Variants in EFNA5 observed in about 807,000 individuals in gnomAD.
The protein encoded by EFNA5 is ephrin-A5.
A neutral mutation model predicts 22.9 loss-of-function variants in EFNA5; 5 were observed. That is an observed-to-expected ratio of 0.22 (90% CI 0.11 to 0.46). The LOEUF is 0.46. EFNA5 is among the 20% of genes least tolerant of loss of function. The pLI, the probability that EFNA5 is intolerant of heterozygous loss-of-function variation, is 0.99. For missense variants in EFNA5, 237 were observed against 293.3 expected (o/e 0.81, Z 1.40); for synonymous variants, 113 against 112.2 (o/e 1.01, Z -0.04).
At chr5:107,553,841 T>C (rs1650416776) in intron 1 of EFNA5, among the ~76,000 whole-genome samples, 1 of 152,206 alleles carries the variant, frequency 6.6e-6, no homozygotes, top group Non-Finnish European at 1.5e-5. Flanking sequence ...TCTGAGGGAT[T>C]AGTTCTTCAC....
At chr5:107,540,425 G>A (rs915016058) in intron 1 of EFNA5, among the ~76,000 whole-genome samples, 3 of 152,226 alleles carry the variant, frequency 2.0e-5, no homozygotes, top group South Asian at 2.1e-4. Context: ...TCATTGAAAT[G>A]AAAATTATGT....
chr5:107,437,581 A>G (rs1225545308), intron 1 of EFNA5, among the ~76,000 whole-genome samples: 5 of 152,236 alleles, frequency 3.3e-5, no homozygotes, highest in Admixed American at 1.3e-4. Context: ...TTTTATATAG[A>G]TTTATTTTTT....
intron 1 of EFNA5, among the ~76,000 whole-genome samples, chr5:107,458,120 G>A (rs1488737709): frequency 6.6e-6 from 1 of 152,160 alleles, no homozygotes; most frequent in African/African-American, 2.4e-5. Flanking sequence ...ACCAGTCAGA[G>A]CTAAATGTAA....
At chr5:107,543,062 G>A (rs1748078626) in intron 1 of EFNA5, among the ~76,000 whole-genome samples, 1 of 152,208 alleles carries the variant, frequency 6.6e-6, no homozygotes, top group South Asian at 2.1e-4. Context: ...CAGCCTGGCA[G>A]CACCAGGAAC....
chr5:107,475,637 C>G (rs1750265325), intron 1 of EFNA5, among the ~76,000 whole-genome samples: 1 of 152,018 alleles, frequency 6.6e-6, no homozygotes. Flanking sequence ...GCCTGAAAAG[C>G]CAGTATAATT....
intron 3 of EFNA5, 109 bp from the exon 4 acceptor site, chr5:107,387,424 T>C: frequency 1.4e-6 from 1 of 721,494 alleles, no homozygotes; most frequent in South Asian, 2.1e-5. Flanking sequence ...ATGTAGATTG[T>C]CTTACAATCA....
intron 1 of EFNA5, among the ~76,000 whole-genome samples, chr5:107,644,616 G>C (rs1750592281): frequency 6.6e-6 from 1 of 152,136 alleles, no homozygotes; most frequent in African/African-American, 2.4e-5. Flanking sequence ...GTTGGTAACT[G>C]ACACATAATA....
At chr5:107,577,758 G>A (rs1161899095) in intron 1 of EFNA5, among the ~76,000 whole-genome samples, 10 of 152,150 alleles carry the variant, frequency 6.6e-5, no homozygotes, top group Admixed American at 6.5e-4. Context: ...CTTCAATCAC[G>A]TTAGACACAG....
chr5:107,416,184 T>C (rs1350774575), intron 2 of EFNA5, among the ~76,000 whole-genome samples: 4 of 152,220 alleles, frequency 2.6e-5, no homozygotes, highest in African/African-American at 4.8e-5. Context: ...CTTCCTAGTA[T>C]GTAAATTTCA....
intron 1 of EFNA5, among the ~76,000 whole-genome samples, chr5:107,640,038 G>A (rs2112543269): frequency 6.6e-6 from 1 of 152,308 alleles, no homozygotes; most frequent in South Asian, 2.1e-4. Context: ...TTTGAAAATA[G>A]GAGGTTTGGG....
At chr5:107,458,311 G>T (rs1429073166) in intron 1 of EFNA5, among the ~76,000 whole-genome samples, 1 of 152,054 alleles carries the variant, frequency 6.6e-6, no homozygotes, top group Non-Finnish European at 1.5e-5. Flanking sequence ...GGGGTACAAG[G>T]ATGAATAGAA....
At chr5:107,590,952 G>A (rs1338766856) in intron 1 of EFNA5, among the ~76,000 whole-genome samples, 1 of 152,196 alleles carries the variant, frequency 6.6e-6, no homozygotes, top group Non-Finnish European at 1.5e-5. Context: ...TAACAGTTGT[G>A]TGGGTGGGTC....
At chr5:107,508,822 T>A (rs1337593721) in intron 1 of EFNA5, among the ~76,000 whole-genome samples, 2 of 152,228 alleles carry the variant, frequency 1.3e-5, no homozygotes, top group African/African-American at 2.4e-5. Context: ...TTTCAATAAT[T>A]AATAATTTCA....
At chr5:107,384,198 G>A (rs1457885495) in intron 4 of EFNA5, among the ~76,000 whole-genome samples, 2 of 152,188 alleles carry the variant, frequency 1.3e-5, no homozygotes, top group Non-Finnish European at 1.5e-5. Flanking sequence ...CTAAACATGA[G>A]AGAATTTCTA....
Position 107,637,249 on chromosome 5 carries a change from G to A in EFNA5, c.125+33240C>T, listed in dbSNP as rs541840782. Among the ~76,000 whole-genome samples, 9 of 152,218 alleles carry A rather than the reference G, an allele frequency of 5.9e-5. No homozygotes were observed. The South Asian group carries it at 8.3e-4, about 14-fold the overall frequency. ...AAAGTCCAGAAAAAACAAGAGTACAGCCATATCTTCTCCAATCTTTAATCC... is the reference window on the plus strand; with the variant it reads ...AAAGTCCAGAAAAAACAAGAGTACAACCATATCTTCTCCAATCTTTAATCC... On this transcript the variant is annotated intron_variant, in intron 1 of 4. Transcript: ENST00000333274.
intron 1 of EFNA5, among the ~76,000 whole-genome samples, chr5:107,636,455 C>T (rs987418601): frequency 2.0e-5 from 3 of 152,148 alleles, no homozygotes; most frequent in Non-Finnish European, 2.9e-5. Flanking sequence ...TAATCCAAAA[C>T]GGTGAGAAAC....
intron 1 of EFNA5, among the ~76,000 whole-genome samples, chr5:107,437,084 T>C (rs1749129691): frequency 6.6e-6 from 1 of 152,208 alleles, no homozygotes; most frequent in African/African-American, 2.4e-5. Context: ...ATCATTACAA[T>C]CTAAATCTGA....
intron 1 of EFNA5, among the ~76,000 whole-genome samples, chr5:107,471,030 T>A (rs1010885725): frequency 2.6e-5 from 4 of 152,170 alleles, no homozygotes; most frequent in Non-Finnish European, 5.9e-5. Context: ...GCAATACTAT[T>A]GTCACTCATG....
At chr5:107,474,666 C>T (rs1750231362) in intron 1 of EFNA5, among the ~76,000 whole-genome samples, 2 of 152,266 alleles carry the variant, frequency 1.3e-5, no homozygotes, top group African/African-American at 4.8e-5. Context: ...AGGCCACTAA[C>T]TTTGTTAAAA....
Sources: allele counts gnomAD v4.1 joint callset (sites outside exome capture counted in the v4.1 genomes callset), GRCh38; gene constraint gnomAD v4.1.1; transcripts MANE v1.5; gene names NCBI Gene and HGNC (gene_info 2026-07-23, HGNC 2026-07-21).